Variants in PLOD1 observed in about 807,000 individuals in gnomAD.
The protein encoded by PLOD1 is lysine hydroxylase.
In PLOD1, 70 loss-of-function variants were observed where a neutral mutation model predicts 94.7. That is an observed-to-expected ratio of 0.74 (90% confidence interval 0.61 to 0.90). The LOEUF (loss-of-function observed/expected upper bound fraction) is 0.90. PLOD1 is among the 40% of genes least tolerant of loss of function. The pLI is 0.00. For synonymous variants in PLOD1, 417 were observed against 400.2 expected (o/e 1.04, Z -0.50); for missense variants, 905 against 972.7 (o/e 0.93, Z 0.93).
intron 18 of PLOD1, among the ~76,000 whole-genome samples, chr1:11,973,728 G>A (rs1387583114): frequency 5.9e-5 from 9 of 151,936 alleles, no homozygotes; most frequent in African/African-American, 2.2e-4. Context: ...CCACAGGCGT[G>A]TGCCACCATG....
intron 2 of PLOD1, 35 bp from the exon 3 acceptor site, chr1:11,949,738 A>T: frequency 6.2e-7 from 1 of 1,608,410 alleles, no homozygotes; most frequent in South Asian, 1.1e-5. Flanking sequence ...ATATTTCTTT[A>T]CCAAAAGCCC....
At chr1:11,952,505 G>C in intron 4 of PLOD1, 118 bp from the exon 5 acceptor site, 1 of 763,392 alleles carries the variant, frequency 1.3e-6, no homozygotes, top group Non-Finnish European at 2.3e-6. Context: ...TCTGAGAGGT[G>C]ACAGGGTTTG....
chr1:11,954,576 G>T, intron 5 of PLOD1: 1 of 740,378 alleles, frequency 1.4e-6, no homozygotes. Flanking sequence ...TGTTGTAGGT[G>T]AGCCGGCTGC....
Position 11,970,753 on chromosome 1 carries a change from C to A in PLOD1, c.1839C>A (p.His613Gln), listed in dbSNP as rs768638113. The change falls in exon 17 of 19, where the codon CAC (histidine) becomes CAA (glutamine). Residue 613 changes from histidine (H) to glutamine (Q), a missense_variant. Coordinates refer to ENST00000196061, the MANE Select transcript of PLOD1 (RefSeq NM_000302.4). ...AGATCGGCTTTGAGCGGGAGTGGCA[C>A]AAATTCCTGCTGGAGTACATTGCGC... Reference protein sequence around the residue: ...MNQIGFEREWHKFLLEYIAPM... With the variant: ...MNQIGFEREWQKFLLEYIAPM... 12 of 1,611,918 alleles carry A rather than the reference C, an allele frequency of 7.4e-6. No individual in the cohort carries two copies. The highest frequency in any genetic ancestry group is 1.3e-5 in the African/African-American group (1 of 74,226).
chr1:11,935,289 C>T (rs1645570279), intron 1 of PLOD1, among the ~76,000 whole-genome samples: 1 of 152,146 alleles, frequency 6.6e-6, no homozygotes, highest in Admixed American at 6.5e-5. Context: ...GCCTTGGAAC[C>T]AGGATTTACC....
chr1:11,969,780 T>C (rs1645847641), intron 16 of PLOD1, among the ~76,000 whole-genome samples: 2 of 152,200 alleles, frequency 1.3e-5, no homozygotes, highest in South Asian at 4.1e-4. Context: ...AACTTGCTTC[T>C]TCAAGGCCAG....
At chr1:11,959,335 G>A (rs1350953740) in intron 9 of PLOD1, among the ~76,000 whole-genome samples, 1 of 152,110 alleles carries the variant, frequency 6.6e-6, no homozygotes, top group Non-Finnish European at 1.5e-5. Flanking sequence ...TGGTGCACAG[G>A]ACGCATCTAG....
intron 1 of PLOD1, among the ~76,000 whole-genome samples, chr1:11,946,595 T>C (rs1645656135): frequency 6.6e-6 from 1 of 152,198 alleles, no homozygotes; most frequent in Non-Finnish European, 1.5e-5. Flanking sequence ...ATGTATTTGC[T>C]GTCCCTGGGC....
chr1:11,941,613 G>A (rs887487752), intron 1 of PLOD1, among the ~76,000 whole-genome samples: 1 of 151,972 alleles, frequency 6.6e-6, no homozygotes, highest in African/African-American at 2.4e-5. Flanking sequence ...CTGAATAGCA[G>A]GGATTATAGG....
At chr1:11,959,582 A>AG (rs1645763764) in intron 9 of PLOD1, among the ~76,000 whole-genome samples, 2 of 149,352 alleles carry the variant, frequency 1.3e-5, no homozygotes, top group Admixed American at 6.7e-5. Context: ...AACTGAGACT[A>AG]CAGGCATGCG....
chr1:11,942,465 G>T (rs113954238), intron 1 of PLOD1, among the ~76,000 whole-genome samples: 256 of 152,314 alleles, frequency 1.7e-3, no homozygotes, highest in African/African-American at 6.1e-3. Context: ...GACTGCACGT[G>T]CAAAGGAGTG....
At chr1:11,966,186 G>A (rs1645816033) in intron 14 of PLOD1, 65 bp from the exon 15 acceptor site, 3 of 1,221,020 alleles carry the variant, frequency 2.5e-6, no homozygotes, top group Admixed American at 1.9e-5. Flanking sequence ...TGAGGGGTCT[G>A]CTCTGAGCAT....
At chr1:11,967,133 C>T in intron 16 of PLOD1, 42 bp downstream of exon 16, 1 of 1,318,898 alleles carries the variant, frequency 7.6e-7, no homozygotes, top group Non-Finnish European at 1.1e-6. Context: ...GGGAGGCTGC[C>T]TCTCCATCAG....
Position 11,965,500 on chromosome 1 carries a change from C to T in PLOD1, c.1491C>T (p.Thr497=). 6.2e-7 allele frequency: 1 copy of T among 1,612,972 alleles called. No individual in the cohort carries two copies. Among genetic ancestry groups the T allele is most frequent in the Non-Finnish European group, 8.5e-7 (1 of 1,179,298 alleles). ...CCCAGGATGTGTTCATGTTCCTGAC[C>T]AACCGGCACACCCTTGGCCATCTGC... ...IRQQDVFMFL[T]NRHTLGHLLS... The change falls in exon 14 of 19, where the codon ACC becomes ACT. Residue 497 remains threonine (T), a synonymous_variant. Transcript: ENST00000196061.
At chr1:11,968,227 T>C (rs1471408399) in intron 16 of PLOD1, among the ~76,000 whole-genome samples, 2 of 152,158 alleles carry the variant, frequency 1.3e-5, no homozygotes, top group African/African-American at 4.8e-5. Flanking sequence ...TTGCTGGGAT[T>C]ACAGGCGTGA....
rs1046206896 is a variant in PLOD1 at position 11,950,418 on chromosome 1, A to T, written c.364A>T (p.Ser122Cys). ...ELLKKFRQAR[S>C]QVVFSAEELI... ...CCTGAAGAAGTTCCGGCAGGCCAGG[A>T]GCCAGGTGGTCTTCTCTGCTGAGGA... Residue 122 changes from serine (S) to cysteine (C), a missense_variant, in exon 4 of 19, where the codon AGC (serine) becomes TGC (cysteine). Transcript: ENST00000196061. The T allele has an allele frequency of 6.2e-7, 1 of 1,613,972 alleles. No homozygotes were observed. The highest frequency in any genetic ancestry group is 8.5e-7 in the Non-Finnish European group (1 of 1,179,982).
intron 6 of PLOD1, among the ~76,000 whole-genome samples, chr1:11,956,516 C>G (rs1246623487): frequency 6.6e-6 from 1 of 152,202 alleles, no homozygotes; most frequent in Admixed American, 6.5e-5. Flanking sequence ...GGCATTTTCT[C>G]AGTGCTGCTC....
At chr1:11,953,442 A>G (rs1233164726) in intron 5 of PLOD1, among the ~76,000 whole-genome samples, 1 of 151,958 alleles carries the variant, frequency 6.6e-6, no homozygotes, top group Non-Finnish European at 1.5e-5. Context: ...CCAGCTCACC[A>G]TTTACTAGCT....
chr1:11,962,269 G>GTTTTCTTTTTTTTTTTTTTTTTT (rs1645783280), intron 10 of PLOD1, among the ~76,000 whole-genome samples: 1 of 104,560 alleles, frequency 9.6e-6, no homozygotes, highest in Non-Finnish European at 2.2e-5. Context: ...TTTGATTTTT[G>GTTTTCTTTTTTTTTTTTTTTTTT]TTTTCTTTTT....
Sources: gnomAD v4.1 joint callset for allele counts (sites outside exome capture counted in the v4.1 genomes callset) on GRCh38, gnomAD v4.1.1 for gene constraint, MANE v1.5 for transcripts, NCBI Gene and HGNC (gene_info 2026-07-23, HGNC 2026-07-21) for gene names.